The following ZFP91 variants were observed in gnomAD, a reference collection of about 807,000 sequenced individuals.
ZFP91 encodes ZFP91 zinc finger protein, atypical E3 ubiquitin ligase, also known as E3 ubiquitin-protein ligase ZFP91.
A neutral mutation model predicts 63.5 loss-of-function variants in ZFP91; 7 were observed. The observed-to-expected ratio is 0.11, with a 90% CI of 0.06 to 0.21. The LOEUF (loss-of-function observed/expected upper bound fraction) is 0.21, where lower values mean the gene tolerates loss of function less well. ZFP91 is among the 10% of genes least tolerant of loss of function. The probability of loss-of-function intolerance (pLI) is 1.00; values close to 1 mark genes in which losing one functional copy is unlikely to be tolerated. For missense variants in ZFP91, 628 were observed against 736.6 expected (o/e 0.85, Z 1.71); for synonymous variants, 330 against 272.1 (o/e 1.21, Z -2.10).
Position 58,620,865 on chromosome 11 carries a change from C to T in ZFP91, c.*3159C>T, listed in dbSNP as rs1855838763. 6.6e-6 allele frequency: 1 copy of T among 152,552 alleles called. No homozygotes were observed. The highest frequency in any genetic ancestry group is 2.4e-5 in the African/African-American group (1 of 41,404). 9.4% of individuals were successfully genotyped at this position (152,552 alleles called of 1,614,324 possible). A position where few individuals can be genotyped will look rare whatever the true frequency, so the allele number is the denominator to read the frequency against. On this transcript the variant is annotated 3_prime_UTR_variant, in exon 11 of 11. Transcript: ENST00000316059. ...TTTGCCTGTTGTAATGTGCAGGACC[C>T]TTCTCCTTTCATGGGAGAGACAGGT...
In ZFP91 at chr11:58,579,324, G is replaced by A. The variant is rs1464232884; in HGVS notation, c.43G>A (p.Asp15Asn). The A allele has an allele frequency of 5.4e-6, 8 of 1,494,200 alleles. No homozygotes were observed. In the African/African-American group the frequency reaches 1.0e-4, roughly 19 times the overall value. The allele number at this position is 1,494,200 out of a possible 1,614,324, so 92.6% of individuals were successfully genotyped here. A position where few individuals can be genotyped will look rare whatever the true frequency, so the allele number is the denominator to read the frequency against. The change falls in exon 1 of 11, where the codon GAC becomes AAC. Residue 15 changes from aspartate to asparagine, a missense_variant. By Grantham distance (23) the Asp-to-Asn change is conservative. This residue lies in a region of ZFP91 where 437 missense variants were observed against 380.3 expected (regional missense o/e 1.15). Coordinates refer to ENST00000316059, the MANE Select transcript of ZFP91 (RefSeq NM_053023.5). ...TEEPRPPEQQ[D>N]QEGGEAAKAA... ...AGAGCCGAGACCCCCGGAGCAGCAG[G>A]ACCAGGAAGGGGGAGAGGCGGCCAA...
intron 2 of ZFP91, among the ~76,000 whole-genome samples, chr11:58,601,363 A>G (rs1855487691): frequency 6.6e-6 from 1 of 152,148 alleles, no homozygotes; most frequent in African/African-American, 2.4e-5. Flanking sequence ...TGTTGATTTC[A>G]TCTATGTTAT....
chr11:58,610,572 G>A (rs1855643463), intron 4 of ZFP91, among the ~76,000 whole-genome samples: 1 of 152,170 alleles, frequency 6.6e-6, no homozygotes, highest in African/African-American at 2.4e-5. Context: ...TTATTCCATG[G>A]TAGGCACTAA....
Position 58,579,130 on chromosome 11 carries a change from C to G in ZFP91, c.-152C>G. 1 of 511,542 alleles carries G rather than the reference C, an allele frequency of 2.0e-6. No individual in the cohort carries two copies. The highest frequency in any genetic ancestry group is 2.7e-6 in the Non-Finnish European group (1 of 368,994). 31.7% of individuals were successfully genotyped at this position (511,542 alleles called of 1,614,324 possible). ...TGGCAGGGGGTGGGGGGGGCGCCCTCGGAGCCGGGCGGAGGGGAGGGGGGA... is the reference window on the plus strand; with the variant it reads ...TGGCAGGGGGTGGGGGGGGCGCCCTGGGAGCCGGGCGGAGGGGAGGGGGGA... On this transcript the variant is annotated 5_prime_UTR_variant, in exon 1 of 11. Coordinates refer to ENST00000316059, the MANE Select transcript of ZFP91 (RefSeq NM_053023.5).
intron 8 of ZFP91, 58 bp from the exon 9 acceptor site, chr11:58,614,171 G>A (rs1855712536): frequency 5.3e-6 from 6 of 1,125,332 alleles, no homozygotes; most frequent in East Asian, 2.4e-5. Flanking sequence ...GCAAAGACAA[G>A]TACTTTCAGG....
intron 2 of ZFP91, among the ~76,000 whole-genome samples, chr11:58,591,400 A>G (rs1469103041): frequency 6.6e-6 from 1 of 152,222 alleles, no homozygotes; most frequent in African/African-American, 2.4e-5. Flanking sequence ...ATTAGTCTTT[A>G]TGACTAGTAC....
chr11:58,593,179 A>T (rs561006630), intron 2 of ZFP91, among the ~76,000 whole-genome samples: 2 of 152,204 alleles, frequency 1.3e-5, no homozygotes, highest in Non-Finnish European at 2.9e-5. Flanking sequence ...ACCACAGTTA[A>T]TAATAATGTA....
At position 58,619,274 on chromosome 11, in the gene ZFP91, G is replaced by A. The variant is rs950292986; in HGVS notation, c.*1568G>A. On this transcript the variant is annotated 3_prime_UTR_variant, in exon 11 of 11. Transcript: ENST00000316059. ...GGGATAGAGGTTGTGTTGGGGAATA[G>A]ATTGCTTATTGCTGTTCACTGGAGA... 6.6e-6 allele frequency: 1 copy of A among 152,358 alleles called. No homozygotes were observed. The highest frequency in any genetic ancestry group is 1.5e-5 in the Non-Finnish European group (1 of 68,186). 9.4% of individuals were successfully genotyped at this position (152,358 alleles called of 1,614,324 possible). A position where few individuals can be genotyped will look rare whatever the true frequency, so the allele number is the denominator to read the frequency against.
rs1265638555 is a variant in ZFP91, at chr11:58,619,962, G to C, written c.*2256G>C. ...TTTGTCTCCGTAAATTTCATTTGCA[G>C]TGGTTAGTCATCAGATATTTTAGCC... On this transcript the variant is annotated 3_prime_UTR_variant, in exon 11 of 11. Coordinates refer to ENST00000316059, the MANE Select transcript of ZFP91 (RefSeq NM_053023.5). The C allele has an allele frequency of 6.6e-6, 1 of 152,132 alleles. No homozygotes were observed. The highest frequency in any genetic ancestry group is 1.5e-5 in the Non-Finnish European group (1 of 68,030). 9.4% of individuals were successfully genotyped at this position (152,132 alleles called of 1,614,324 possible).
chr11:58,579,118 G>T lies in ZFP91; in HGVS notation c.-164G>T. ...GCGGACCTTGAGTGGCAGGGGGTGG[G>T]GGGGGCGCCCTCGGAGCCGGGCGGA... On this transcript the variant is annotated 5_prime_UTR_variant, in exon 1 of 11. Coordinates refer to ENST00000316059, the MANE Select transcript of ZFP91 (RefSeq NM_053023.5). 1.9e-6 allele frequency: 1 copy of T among 532,466 alleles called. No individual in the cohort carries two copies. The highest frequency in any genetic ancestry group is 3.0e-6 in the Non-Finnish European group (1 of 338,120). The allele number at this position is 532,466 out of a possible 1,614,324, so 33.0% of individuals were successfully genotyped here.
At chr11:58,592,786 A>G (rs930801440) in intron 2 of ZFP91, among the ~76,000 whole-genome samples, 1 of 152,180 alleles carries the variant, frequency 6.6e-6, no homozygotes, top group Non-Finnish European at 1.5e-5. Flanking sequence ...GTTGCTAGAA[A>G]GGAATATGTG....
At position 58,617,943 on chromosome 11, in the gene ZFP91, AAGC is replaced by A; in HGVS notation, c.*247_*249del. The A allele has an allele frequency of 2.3e-6, 1 of 430,748 alleles. No homozygotes were observed. Among genetic ancestry groups the A allele is most frequent in the Non-Finnish European group, 3.8e-6 (1 of 263,852 alleles). 26.7% of individuals were successfully genotyped at this position (430,748 alleles called of 1,614,324 possible). A position where few individuals can be genotyped will look rare whatever the true frequency, so the allele number is the denominator to read the frequency against. Reference sequence around the variant, plus strand: ...TTTACCAGAAAGGTAGACAAAAAAGAAGCAGCAGCAGCTCTTAAAGTGAGGGTT... The same window carrying A: ...TTTACCAGAAAGGTAGACAAAAAAGAAGCAGCAGCTCTTAAAGTGAGGGTT... On this transcript the variant is annotated 3_prime_UTR_variant, in exon 11 of 11. Transcript: ENST00000316059. The surrounding 1 kb of genome is among the most constrained non-coding windows in gnomAD (Gnocchi z 4.2).
chr11:58,583,537 C>A (rs1200077648), intron 1 of ZFP91, among the ~76,000 whole-genome samples: 1 of 151,972 alleles, frequency 6.6e-6, no homozygotes, highest in African/African-American at 2.4e-5. Context: ...TTGGAGAAGC[C>A]TTCAGTTGTA....
At position 58,579,397 on chromosome 11, in the gene ZFP91, C is replaced by T. The variant is rs775364498; in HGVS notation, c.116C>T (p.Ala39Val). Residue 39 changes from alanine (A) to valine (V), a missense_variant, in exon 1 of 11, where the codon GCG (alanine) becomes GTG (valine). Transcript: ENST00000316059. ...CAACGGCCCCCTGAGGCGGTCGCGG[C>T]GGCGCCTGCAGGGACCACTAGCAGC... ...PQQRPPEAVA[A>V]APAGTTSSRV... 6.8e-6 allele frequency: 10 copies of T among 1,470,468 alleles called. No homozygotes were observed. The South Asian group carries it at 1.1e-4, about 15-fold the overall frequency. The allele number at this position is 1,470,468 out of a possible 1,614,324, so 91.1% of individuals were successfully genotyped here. A position where few individuals can be genotyped will look rare whatever the true frequency, so the allele number is the denominator to read the frequency against.
chr11:58,590,898 A>C (rs916227679), intron 2 of ZFP91, among the ~76,000 whole-genome samples: 10 of 150,304 alleles, frequency 6.7e-5, no homozygotes, highest in Admixed American at 4.6e-4. Context: ...AGGGCATTTG[A>C]TATTTCTGGG....
At chr11:58,606,126 A>G (rs1407954577) in intron 2 of ZFP91, among the ~76,000 whole-genome samples, 1 of 151,900 alleles carries the variant, frequency 6.6e-6, no homozygotes, top group Non-Finnish European at 1.5e-5. Flanking sequence ...CAATGGTGTT[A>G]TCTCGGCTCA....
Position 58,612,757 on chromosome 11 carries a change from A to G in ZFP91, c.909-5A>G. On this transcript the variant is annotated splice_region_variant and splice_polypyrimidine_tract_variant and intron_variant, in intron 7 of 10. Coordinates refer to ENST00000316059, the MANE Select transcript of ZFP91 (RefSeq NM_053023.5). The stretch of plus-strand genomic sequence containing the variant: ...GCTAACTTTTCTTCTGCATTTTGAT[A>G]ATAGAAAAAAGCCTCCAATCCAGTA... The G allele has an allele frequency of 6.3e-7, 1 of 1,596,894 alleles. No individual in the cohort carries two copies. Among genetic ancestry groups the G allele is most frequent in the South Asian group, 1.1e-5 (1 of 87,506 alleles).
chr11:58,611,868 T>A (rs1298248401), intron 6 of ZFP91, 130 bp downstream of exon 6: 2 of 1,256,320 alleles, frequency 1.6e-6, no homozygotes, highest in Middle Eastern at 2.9e-4. Context: ...CTTAAAAAAA[T>A]TTGGCCTCAA....
intron 6 of ZFP91, 62 bp downstream of exon 6, chr11:58,611,800 A>T (rs936103556): frequency 3.2e-6 from 5 of 1,539,462 alleles, no homozygotes; most frequent in Non-Finnish European, 4.4e-6. Context: ...TGGAAAAAAG[A>T]GTGGGAGTGT....
Sources: gnomAD v4.1 joint callset for allele counts (sites outside exome capture counted in the v4.1 genomes callset) on GRCh38, gnomAD v4.1.1 for gene constraint, gnomAD v4.1.1 regional missense constraint, Gnocchi (gnomAD v3.1) non-coding constraint, MANE v1.5 for transcripts, NCBI Gene and HGNC (gene_info 2026-07-23, HGNC 2026-07-21) for gene names.